Variants in DAB1 observed in about 807,000 individuals in gnomAD.
The protein encoded by DAB1 is disabled homolog 1.
In DAB1, 15 loss-of-function variants were observed where a neutral mutation model predicts 64.6. The ratio of observed to expected loss-of-function variants is 0.23; its 90% CI spans 0.16 to 0.36. The LOEUF is 0.36. DAB1 is among the 10% of genes least tolerant of loss of function. DAB1 has a pLI of 1.00. For missense variants in DAB1, 596 were observed against 706.7 expected (o/e 0.84, Z 1.78); for synonymous variants, 235 against 251.9 (o/e 0.93, Z 0.64).
At chr1:57,471,199 G>A (rs1312991281) in intron 7 of DAB1, among the ~76,000 whole-genome samples, 1 of 152,164 alleles carries the variant, frequency 6.6e-6, no homozygotes, top group African/African-American at 2.4e-5. Flanking sequence ...CAGCAAGATA[G>A]CCTAATATTA....
chr1:58,051,735 C>T (rs534755633), intron 5 of DAB1, among the ~76,000 whole-genome samples: 1 of 152,152 alleles, frequency 6.6e-6, no homozygotes, highest in South Asian at 2.1e-4. Context: ...TTAATGATTG[C>T]CATTCTAACT....
intron 7 of DAB1, among the ~76,000 whole-genome samples, chr1:57,429,457 G>A (rs548231921): frequency 6.6e-6 from 1 of 152,064 alleles, no homozygotes; most frequent in Non-Finnish European, 1.5e-5. Context: ...TCATTTTTTT[G>A]ATGGTTTCCT....
intron 5 of DAB1, among the ~76,000 whole-genome samples, chr1:58,145,072 G>A (rs1654512318): frequency 6.6e-6 from 1 of 152,192 alleles, no homozygotes; most frequent in South Asian, 2.1e-4. Flanking sequence ...AACAAGAGAC[G>A]GAAACCTTTT....
At chr1:58,506,089 C>A in exon 3 of DAB1, 1 of 871,622 alleles carries the variant, frequency 1.1e-6, no homozygotes, top group Non-Finnish European at 2.0e-6. Flanking sequence ...AAGTACTCAA[C>A]TCGATTGCCA....
intron 2 of DAB1, among the ~76,000 whole-genome samples, chr1:57,255,612 T>C (rs943997373): frequency 2.0e-5 from 3 of 152,008 alleles, no homozygotes; most frequent in Admixed American, 6.6e-5. Context: ...AGAGCTGAGA[T>C]CACACCACTG....
intron 1 of DAB1, among the ~76,000 whole-genome samples, chr1:57,404,804 C>T (rs1306400440): frequency 6.6e-6 from 1 of 152,138 alleles, no homozygotes; most frequent in Non-Finnish European, 1.5e-5. Context: ...TTTAATTTCT[C>T]AAAGTATATT....
chr1:57,516,946 G>A (rs1644470209), intron 7 of DAB1, among the ~76,000 whole-genome samples: 1 of 152,194 alleles, frequency 6.6e-6, no homozygotes, highest in Non-Finnish European at 1.5e-5. Context: ...CAAGATAAAT[G>A]AGAAATAGGT....
At chr1:57,565,822 T>C (rs755526257) in intron 7 of DAB1, among the ~76,000 whole-genome samples, 6 of 152,034 alleles carry the variant, frequency 3.9e-5, no homozygotes, top group Non-Finnish European at 5.9e-5. Flanking sequence ...CACACAATAA[T>C]AATGAGAGAC....
At chr1:57,485,641 C>A (rs559769235) in intron 7 of DAB1, among the ~76,000 whole-genome samples, 5 of 152,282 alleles carry the variant, frequency 3.3e-5, no homozygotes, top group Admixed American at 3.3e-4. Flanking sequence ...GACTTTAGCA[C>A]AACATGTGTG....
At chr1:57,329,654 C>G (rs1700015) in intron 1 of DAB1, among the ~76,000 whole-genome samples, 1 of 112,814 alleles carries the variant, frequency 8.9e-6, no homozygotes, top group African/African-American at 3.4e-5. Context: ...TGCAATTTGT[C>G]TCTTCCAAAA....
intron 4 of DAB1, among the ~76,000 whole-genome samples, chr1:58,176,570 T>C (rs1396955659): frequency 2.6e-5 from 4 of 152,094 alleles, no homozygotes; most frequent in Non-Finnish European, 4.4e-5. Context: ...GCCTTTACCA[T>C]CACAAGACAG....
At chr1:58,458,601 C>T (rs895105719) in intron 3 of DAB1, among the ~76,000 whole-genome samples, 1 of 152,266 alleles carries the variant, frequency 6.6e-6, no homozygotes, top group African/African-American at 2.4e-5. Flanking sequence ...CTTAGGAGTT[C>T]GAGACCAGCC....
intron 4 of DAB1, among the ~76,000 whole-genome samples, chr1:58,153,458 C>T (rs777581595): frequency 1.1e-4 from 16 of 152,168 alleles, no homozygotes; most frequent in Non-Finnish European, 1.5e-4. Context: ...TGAAATAGAT[C>T]CCAGCTGAAT....
At chr1:58,097,310 C>T (rs967604251) in intron 5 of DAB1, among the ~76,000 whole-genome samples, 1 of 152,224 alleles carries the variant, frequency 6.6e-6, no homozygotes, top group Non-Finnish European at 1.5e-5. Context: ...CGGCCATCTG[C>T]TCTTACACAC....
chr1:57,063,171 C>T (rs1188062695), intron 8 of DAB1, among the ~76,000 whole-genome samples: 43 of 152,006 alleles, frequency 2.8e-4, no homozygotes, highest in Admixed American at 1.6e-3. Flanking sequence ...GTTTATAGGT[C>T]GTCTCTGCCA....
intron 6 of DAB1, among the ~76,000 whole-genome samples, chr1:57,796,554 AATAATAATC>A (rs1424033484): frequency 6.8e-6 from 1 of 148,114 alleles, no homozygotes; most frequent in African/African-American, 2.6e-5. Flanking sequence ...TAATAATAAT[AATAATAATC>A]ATAATCATAA....
chr1:58,388,192 T>C (rs1480555165), intron 3 of DAB1, among the ~76,000 whole-genome samples: 1 of 152,162 alleles, frequency 6.6e-6, no homozygotes, highest in African/African-American at 2.4e-5. Flanking sequence ...TCTAGTTCAC[T>C]ATATTTTGGG....
At chr1:58,345,015 G>T (rs1023538195) in intron 3 of DAB1, among the ~76,000 whole-genome samples, 2 of 152,086 alleles carry the variant, frequency 1.3e-5, no homozygotes, top group African/African-American at 4.8e-5. Flanking sequence ...GCTCATCAAT[G>T]AAGTGAAAAG....
At chr1:58,370,168 A>C (rs1644251426) in intron 3 of DAB1, among the ~76,000 whole-genome samples, 1 of 152,208 alleles carries the variant, frequency 6.6e-6, no homozygotes, top group African/African-American at 2.4e-5. Context: ...TCAATAGGGG[A>C]ACGGATTTTT....
Sources: allele counts gnomAD v4.1 joint callset (sites outside exome capture counted in the v4.1 genomes callset), GRCh38; gene constraint gnomAD v4.1.1; transcripts MANE v1.5; gene names NCBI Gene and HGNC (gene_info 2026-07-23, HGNC 2026-07-21).